The following ARHGAP6 variants were observed in gnomAD, a reference collection of about 807,000 sequenced individuals.
ARHGAP6 encodes Rho GTPase activating protein 6.
A neutral mutation model predicts 55.7 loss-of-function variants in ARHGAP6; 16 were observed. That is an observed-to-expected ratio of 0.29 (90% CI 0.19 to 0.44). ARHGAP6 has a LOEUF of 0.44. ARHGAP6 is among the 20% of genes least tolerant of loss of function. The probability of loss-of-function intolerance (pLI) is 1.00; values close to 1 mark genes in which losing one functional copy is unlikely to be tolerated. For synonymous variants in ARHGAP6, 382 were observed against 360.9 expected (o/e 1.06, Z -0.66); for missense variants, 698 against 808.9 (o/e 0.86, Z 1.66).
chrX:11,202,636 C>T (rs2046645858), intron 2 of ARHGAP6, among the ~76,000 whole-genome samples: 1 of 107,357 alleles, frequency 9.3e-6, no homozygotes, highest in Non-Finnish European at 1.9e-5. Context: ...GGTGAAATCC[C>T]ATCTCTATGA....
intron 1 of ARHGAP6, among the ~76,000 whole-genome samples, chrX:11,277,172 T>G (rs2047783020): frequency 8.9e-6 from 1 of 111,880 alleles, no homozygotes; most frequent in Non-Finnish European, 1.9e-5. Context: ...ACTTAGCATG[T>G]TTTTGGAGTT....
At chrX:11,401,340 T>C (rs751221775) in intron 1 of ARHGAP6, among the ~76,000 whole-genome samples, 2 of 111,972 alleles carry the variant, frequency 1.8e-5, no homozygotes, top group Middle Eastern at 4.6e-3. Context: ...CCTCATAGCA[T>C]GGCCAAAGTC....
At chrX:11,149,828 T>C (rs188190963) in intron 10 of ARHGAP6, among the ~76,000 whole-genome samples, 21 of 112,275 alleles carry the variant, frequency 1.9e-4, no homozygotes, top group African/African-American at 6.8e-4. Flanking sequence ...AAGATGAACA[T>C]CTAGCTAAAC....
At chrX:11,565,795 G>A (rs1469553502) in intron 1 of ARHGAP6, among the ~76,000 whole-genome samples, 1 of 112,185 alleles carries the variant, frequency 8.9e-6, no homozygotes, top group Non-Finnish European at 1.9e-5. Context: ...GAATGGCTTA[G>A]TCATAACTCA....
chrX:11,198,549 C>T (rs901144963), intron 2 of ARHGAP6, among the ~76,000 whole-genome samples: 2 of 111,909 alleles, frequency 1.8e-5, no homozygotes, highest in African/African-American at 6.5e-5. Context: ...ATGTATTTGG[C>T]AGTAACAAAA....
chrX:11,190,457 G>GGA (rs2046439343), intron 3 of ARHGAP6, among the ~76,000 whole-genome samples: 3 of 29,179 alleles, frequency 1.0e-4, no homozygotes, highest in South Asian at 1.9e-3. Flanking sequence ...TGTACCCTGA[G>GGA]GAGATATATA....
chrX:11,517,267 C>T (rs1181185960), intron 1 of ARHGAP6, among the ~76,000 whole-genome samples: 1 of 111,674 alleles, frequency 9.0e-6, no homozygotes, highest in African/African-American at 3.3e-5. Context: ...AGGCTAGGAA[C>T]TGGCACACTG....
chrX:11,138,702 G>A lies in ARHGAP6; in HGVS notation c.*161C>T. The stretch of plus-strand genomic sequence containing the variant: ...TGGAACCTTATTCTCAATGGCGGGG[G>A]CGTGAGTGCTCTACCTCTGTAGGTG... On this transcript the variant is annotated 3_prime_UTR_variant, in exon 13 of 13. Coordinates refer to ENST00000337414, the MANE Select transcript of ARHGAP6 (RefSeq NM_013427.3). The A allele has an allele frequency of 5.5e-6, 3 of 548,332 alleles. No individual in the cohort carries two copies. The highest frequency in any genetic ancestry group is 3.1e-5 in the South Asian group (1 of 31,974). 45.2% of individuals were successfully genotyped at this position (548,332 alleles called of 1,213,427 possible). A position where few individuals can be genotyped will look rare whatever the true frequency, so the allele number is the denominator to read the frequency against.
intron 1 of ARHGAP6, among the ~76,000 whole-genome samples, chrX:11,608,987 C>T (rs1340373732): frequency 1.8e-5 from 2 of 111,485 alleles, no homozygotes; most frequent in Admixed American, 9.5e-5. Flanking sequence ...TGGCAGATTC[C>T]GTCATAACTA....
intron 1 of ARHGAP6, among the ~76,000 whole-genome samples, chrX:11,321,466 T>G (rs2048431713): frequency 8.9e-6 from 1 of 112,025 alleles, no homozygotes; most frequent in African/African-American, 3.2e-5. Flanking sequence ...CAATAAATGC[T>G]ACTCACAAGT....
chrX:11,382,817 C>A (rs1371194908), intron 1 of ARHGAP6, among the ~76,000 whole-genome samples: 2 of 111,842 alleles, frequency 1.8e-5, no homozygotes, highest in African/African-American at 6.5e-5. Flanking sequence ...AAAACAACAA[C>A]AAAATTACAA....
intron 9 of ARHGAP6, chrX:11,169,068 G>C (rs898189636): frequency 1.7e-5 from 2 of 114,769 alleles, no homozygotes; most frequent in African/African-American, 6.5e-5. Flanking sequence ...GAAGTGGCAT[G>C]GGAAGGACAA....
chrX:11,664,124 ACGGAAACCCCT>A, intron 1 of ARHGAP6, 106 bp downstream of exon 1: 1 of 744,417 alleles, frequency 1.3e-6, no homozygotes, highest in Non-Finnish European at 1.9e-6. Flanking sequence ...AACCCACACC[ACGGAAACCCCT>A]TAGTGGGTGC....
At chrX:11,460,281 C>T (rs61584892) in intron 1 of ARHGAP6, among the ~76,000 whole-genome samples, 8,577 of 111,039 alleles carry the variant, frequency 0.077, 391 homozygotes, top group East Asian at 0.18. Context: ...CAGTGCAACC[C>T]CTGGCTGACA....
In ARHGAP6 at chrX:11,665,578, C is replaced by G. The variant is rs1601744019; in HGVS notation, c.-750G>C. On this transcript the variant is annotated 5_prime_UTR_variant, in exon 1 of 13. Coordinates refer to ENST00000337414, the MANE Select transcript of ARHGAP6 (RefSeq NM_013427.3). The stretch of plus-strand genomic sequence containing the variant: ...CCCGGGACCTCCAAAGACTGCGTGC[C>G]CACGGTGGGATGGAATTCCCGGCGG... The G allele has an allele frequency of 8.8e-6, 1 of 113,498 alleles. No homozygotes were observed. The highest frequency in any genetic ancestry group is 1.9e-5 in the Non-Finnish European group (1 of 53,439). 9.4% of individuals were successfully genotyped at this position (113,498 alleles called of 1,213,427 possible).
chrX:11,424,748 C>T (rs1308729564), intron 1 of ARHGAP6, among the ~76,000 whole-genome samples: 5 of 112,425 alleles, frequency 4.4e-5, no homozygotes, highest in Non-Finnish European at 3.8e-5. Flanking sequence ...GCTGGAAGGA[C>T]GGAGTCACCA....
intron 1 of ARHGAP6, among the ~76,000 whole-genome samples, chrX:11,626,085 T>C (rs1191882145): frequency 8.9e-6 from 1 of 111,866 alleles, no homozygotes; most frequent in African/African-American, 3.2e-5. Context: ...ACTAGTAAAA[T>C]GGCAACCTGT....
intron 1 of ARHGAP6, among the ~76,000 whole-genome samples, chrX:11,411,215 A>ATATATATATATATATATATATG (rs2049681496): frequency 1.2e-5 from 1 of 82,644 alleles, no homozygotes; most frequent in Non-Finnish European, 2.3e-5. Context: ...ATATATATAT[A>ATATATATATATATATATATATG]TATATATAAA....
At chrX:11,412,060 A>G (rs2049694316) in intron 1 of ARHGAP6, among the ~76,000 whole-genome samples, 1 of 111,775 alleles carries the variant, frequency 8.9e-6, no homozygotes, top group African/African-American at 3.2e-5. Flanking sequence ...TATCAAAAAT[A>G]TATCTCTCCT....
Sources: allele counts gnomAD v4.1 joint callset (sites outside exome capture counted in the v4.1 genomes callset), GRCh38; gene constraint gnomAD v4.1.1; transcripts MANE v1.5; gene names NCBI Gene and HGNC (gene_info 2026-07-23, HGNC 2026-07-21).